NBEAL1: variants seen among roughly 807,000 people sequenced by gnomAD.
NBEAL1 encodes the protein neurobeachin-like protein 1.
NBEAL1 carries 273 observed loss-of-function variants against 351.3 expected under a neutral mutation model. The ratio of observed to expected loss-of-function variants is 0.78; its 90% CI spans 0.70 to 0.86. The LOEUF is 0.86. NBEAL1 is among the 40% of genes least tolerant of loss of function. The pLI is 0.00. For synonymous variants in NBEAL1, 1,050 were observed against 1,086.4 expected, an observed-to-expected ratio of 0.97 and a Z score of 0.66; for missense variants, 2,961 against 3,201.3, an observed-to-expected ratio of 0.92 and a Z score of 1.81.
In NBEAL1 at chr2:203,077,854, A is replaced by G; in HGVS notation, c.684+17A>G. 2.3e-6 allele frequency: 3 copies of G among 1,321,380 alleles called. No homozygotes were observed. Among genetic ancestry groups the G allele is most frequent in the Non-Finnish European group, 3.0e-6 (3 of 1,001,676 alleles). 81.9% of individuals were successfully genotyped at this position (1,321,380 alleles called of 1,614,324 possible). A position where few individuals can be genotyped will look rare whatever the true frequency, so the allele number is the denominator to read the frequency against. ...GGTGGGCAGGTAAGGAAAGTGTTGA[A>G]ATTTAATAAATAAAATTATAATTAA... On this transcript the variant is annotated intron_variant, in intron 8 of 55. Coordinates refer to ENST00000683969, the MANE Select transcript of NBEAL1 (RefSeq NM_001378026.1).
At position 203,132,013 on chromosome 2, in the gene NBEAL1, G is replaced by A. The variant is rs761736185; in HGVS notation, c.3605G>A (p.Arg1202His). 5.2e-5 allele frequency: 80 copies of A among 1,552,848 alleles called. No individual in the cohort carries two copies. The highest frequency in any genetic ancestry group is 1.7e-4 in the Middle Eastern group (1 of 6,012). ...TTGAAATGCACGAACGTTTATGAGC[G>A]TAGTAAACAACATATTCGACTCAGA... ...QMLKCTNVYE[R>H]SKQHIRLREV... is the part of the protein sequence containing the mutation. The change falls in exon 26 of 56, where the codon CGT becomes CAT. Residue 1202 changes from arginine (R) to histidine (H), a missense_variant. Coordinates refer to ENST00000683969, the MANE Select transcript of NBEAL1 (RefSeq NM_001378026.1).
chr2:203,043,953 TTTG>T (rs1403749058), intron 3 of NBEAL1, among the ~76,000 whole-genome samples: 2 of 152,116 alleles, frequency 1.3e-5, no homozygotes, highest in African/African-American at 2.4e-5. Context: ...CTTTGACTTT[TTTG>T]TTGTTGTTAT....
At chr2:203,044,470 A>G (rs1284565086) in intron 3 of NBEAL1, among the ~76,000 whole-genome samples, 1 of 152,166 alleles carries the variant, frequency 6.6e-6, no homozygotes, top group Non-Finnish European at 1.5e-5. Context: ...AAAGTTTCTA[A>G]GGTGCAGTTG....
At chr2:203,118,819 C>T (rs1377458884) in intron 18 of NBEAL1, among the ~76,000 whole-genome samples, 5 of 152,124 alleles carry the variant, frequency 3.3e-5, no homozygotes, top group African/African-American at 4.8e-5. Flanking sequence ...GAACTCTTGA[C>T]CTCAAGTGAT....
In NBEAL1 at chr2:203,068,353, C is replaced by A; in HGVS notation, c.516-40C>A. 5 of 999,022 alleles carry A rather than the reference C, an allele frequency of 5.0e-6. No homozygotes were observed. In the South Asian group the frequency reaches 5.4e-5, roughly 11 times the overall value. The allele number at this position is 999,022 out of a possible 1,614,324, so 61.9% of individuals were successfully genotyped here. ...TTTGTAATTGTGCCGTGTCTGCTTGCCCATGTTGTAACTTATTATTAACTT... is the reference window on the plus strand; with the variant it reads ...TTTGTAATTGTGCCGTGTCTGCTTGACCATGTTGTAACTTATTATTAACTT... On this transcript the variant is annotated intron_variant, in intron 6 of 55. Transcript: ENST00000683969.
At chr2:203,034,176 T>G (rs888807478) in intron 2 of NBEAL1, among the ~76,000 whole-genome samples, 11 of 150,478 alleles carry the variant, frequency 7.3e-5, no homozygotes, top group African/African-American at 2.7e-4. Context: ...TTTTTTTTTT[T>G]GAGACGGAGT....
chr2:203,031,273 C>G (rs1169791121), intron 2 of NBEAL1, among the ~76,000 whole-genome samples: 1 of 152,164 alleles, frequency 6.6e-6, no homozygotes, highest in Non-Finnish European at 1.5e-5. Context: ...CTCTCATTTT[C>G]AAGTTTATAA....
chr2:203,105,051 G>T (rs893669071), intron 12 of NBEAL1, among the ~76,000 whole-genome samples: 2 of 151,890 alleles, frequency 1.3e-5, no homozygotes, highest in Non-Finnish European at 1.5e-5. Flanking sequence ...TAGAGGTGGG[G>T]TTTCACCATT....
chr2:203,170,226 G>A (rs1385074910), intron 39 of NBEAL1, among the ~76,000 whole-genome samples: 1 of 152,038 alleles, frequency 6.6e-6, no homozygotes, highest in Non-Finnish European at 1.5e-5. Context: ...ACAAAAAGTA[G>A]CCAGGCATGT....
At position 203,171,910 on chromosome 2, in the gene NBEAL1, CT is replaced by C; in HGVS notation, c.6103-12del. 4 of 1,461,128 alleles carry C rather than the reference CT, an allele frequency of 2.7e-6. No homozygotes were observed. Among genetic ancestry groups the C allele is most frequent in the Admixed American group, 2.1e-5 (1 of 46,610 alleles). 90.5% of individuals were successfully genotyped at this position (1,461,128 alleles called of 1,614,324 possible). On this transcript the variant is annotated splice_polypyrimidine_tract_variant and intron_variant, in intron 39 of 55. Coordinates refer to ENST00000683969, the MANE Select transcript of NBEAL1 (RefSeq NM_001378026.1). The stretch of plus-strand genomic sequence containing the variant: ...TAGATTTTTAAATTTTGATATTGCT[CT>C]TTTTTGTGCTGTCTAGAAATGGGTA...
At chr2:203,022,917 T>C (rs2060793338) in intron 2 of NBEAL1, among the ~76,000 whole-genome samples, 1 of 152,226 alleles carries the variant, frequency 6.6e-6, no homozygotes, top group Non-Finnish European at 1.5e-5. Flanking sequence ...TTGATGATGC[T>C]CCATTTCCTG....
At chr2:203,173,210 T>C (rs1224083330) in intron 41 of NBEAL1, among the ~76,000 whole-genome samples, 1 of 152,154 alleles carries the variant, frequency 6.6e-6, no homozygotes, top group Non-Finnish European at 1.5e-5. Context: ...CTGTCTAATA[T>C]AATATTTGGG....
chr2:203,204,803 TG>T (rs998444462), intron 51 of NBEAL1, among the ~76,000 whole-genome samples: 1 of 152,180 alleles, frequency 6.6e-6, no homozygotes, highest in African/African-American at 2.4e-5. Context: ...GTCTGATTAT[TG>T]TTAATATAAA....
chr2:203,189,624 C>A (rs1427827049), intron 45 of NBEAL1, among the ~76,000 whole-genome samples: 2 of 151,938 alleles, frequency 1.3e-5, no homozygotes, highest in Admixed American at 1.3e-4. Context: ...AGGTCTCAAG[C>A]AGTCCTCCCG....
rs777299201 is a variant in NBEAL1, at chr2:203,190,404, TAAG to T, written c.6921+19_6921+21del. 3 of 1,553,018 alleles carry T rather than the reference TAAG, an allele frequency of 1.9e-6. No homozygotes were observed. In the South Asian group the frequency reaches 3.4e-5, roughly 18 times the overall value. ...AATTATTAAAGGTAAGTCAACAACTTAAGAAGTAGATTTAAGTCAACTTAAGAA... is the reference window on the plus strand; with the variant it reads ...AATTATTAAAGGTAAGTCAACAACTTAAGTAGATTTAAGTCAACTTAAGAA... On this transcript the variant is annotated intron_variant, in intron 46 of 55. Transcript: ENST00000683969.
At chr2:203,059,094 G>A (rs1003762768) in intron 6 of NBEAL1, among the ~76,000 whole-genome samples, 1 of 152,052 alleles carries the variant, frequency 6.6e-6, no homozygotes, top group African/African-American at 2.4e-5. Context: ...ATTTTTGTAG[G>A]CTTTTCAGGG....
At chr2:203,078,596 TC>T (rs923865661) in intron 8 of NBEAL1, among the ~76,000 whole-genome samples, 4 of 152,192 alleles carry the variant, frequency 2.6e-5, no homozygotes, top group African/African-American at 9.7e-5. Context: ...CACCTCAGCC[TC>T]CCCAAGTACT....
intron 52 of NBEAL1, 57 bp from the exon 53 acceptor site, chr2:203,209,104 C>CT: frequency 7.1e-7 from 1 of 1,408,976 alleles, no homozygotes; most frequent in Non-Finnish European, 9.9e-7. Flanking sequence ...TACTTTTATT[C>CT]TTTTTTGCTG....
intron 18 of NBEAL1, among the ~76,000 whole-genome samples, chr2:203,116,789 C>CAAAAA (rs34559564): frequency 9.9e-6 from 1 of 100,674 alleles, no homozygotes; most frequent in Admixed American, 1.1e-4. Flanking sequence ...GACCCTGTCT[C>CAAAAA]AAAAAAAAAA....
Sources: allele counts gnomAD v4.1 joint callset (sites outside exome capture counted in the v4.1 genomes callset), GRCh38; gene constraint gnomAD v4.1.1; transcripts MANE v1.5; gene names NCBI Gene and HGNC (gene_info 2026-07-23, HGNC 2026-07-21).